The following DLGAP1 variants were observed in gnomAD, a reference collection of about 807,000 sequenced individuals.
DLGAP1 encodes the protein DLG associated protein 1, also known as disks large-associated protein 1.
In DLGAP1, 11 loss-of-function variants were observed where a neutral mutation model predicts 90.8. That is an observed-to-expected ratio of 0.12 (90% confidence interval 0.08 to 0.20). The LOEUF is 0.20. Ranked by LOEUF, DLGAP1 falls within the 10% of genes least tolerant of loss-of-function variation. The pLI, the probability that DLGAP1 is intolerant of heterozygous loss-of-function variation, is 1.00. For missense variants in DLGAP1, 1,050 were observed against 1,333.8 expected, an observed-to-expected ratio of 0.79 and a Z score of 3.31; for synonymous variants, 558 against 540.7, an observed-to-expected ratio of 1.03 and a Z score of -0.44.
intron 5 of DLGAP1, among the ~76,000 whole-genome samples, chr18:3,792,021 C>A (rs2065757807): frequency 6.6e-6 from 1 of 152,230 alleles, no homozygotes. Context: ...CCACCCCCCA[C>A]CCCACTATAG....
At chr18:3,558,295 C>T (rs191681895) in intron 9 of DLGAP1, among the ~76,000 whole-genome samples, 15 of 152,134 alleles carry the variant, frequency 9.9e-5, no homozygotes, top group South Asian at 6.2e-4. Flanking sequence ...CAGGCTGAAG[C>T]GCTCTTGGCT....
At chr18:3,937,437 T>A (rs1376074087) in intron 3 of DLGAP1, among the ~76,000 whole-genome samples, 2 of 152,100 alleles carry the variant, frequency 1.3e-5, no homozygotes, top group African/African-American at 4.8e-5. Context: ...ATGAGACTTG[T>A]TCACTACCAT....
intron 5 of DLGAP1, among the ~76,000 whole-genome samples, chr18:3,748,740 G>C (rs779330886): frequency 6.6e-6 from 1 of 152,170 alleles, no homozygotes; most frequent in Non-Finnish European, 1.5e-5. Flanking sequence ...TTGGGCTTTG[G>C]TGTGGACAAT....
intron 1 of DLGAP1, among the ~76,000 whole-genome samples, chr18:4,258,004 T>TGC (rs1568475548): frequency 2.1e-5 from 3 of 143,212 alleles, no homozygotes; most frequent in Non-Finnish European, 4.4e-5. Flanking sequence ...TGTGTGTGTG[T>TGC]GTGTGTGCGC....
At chr18:3,545,786 C>T (rs768292657) in intron 9 of DLGAP1, among the ~76,000 whole-genome samples, 1 of 152,070 alleles carries the variant, frequency 6.6e-6, no homozygotes, top group Non-Finnish European at 1.5e-5. Flanking sequence ...CATGGTAATA[C>T]TAATGAAAAG....
At chr18:3,784,692 C>A (rs1223728067) in intron 5 of DLGAP1, among the ~76,000 whole-genome samples, 2 of 152,198 alleles carry the variant, frequency 1.3e-5, no homozygotes, top group African/African-American at 4.8e-5. Context: ...ACGTTCCAGG[C>A]CCAGTCTGGA....
At chr18:3,772,475 T>C (rs1228299378) in intron 5 of DLGAP1, among the ~76,000 whole-genome samples, 1 of 136,610 alleles carries the variant, frequency 7.3e-6, no homozygotes, top group Middle Eastern at 3.6e-3. Context: ...TTTCTTTCTT[T>C]CTTTCTTCTG....
intron 3 of DLGAP1, among the ~76,000 whole-genome samples, chr18:3,955,912 A>G (rs1389507747): frequency 1.3e-5 from 2 of 152,236 alleles, no homozygotes; most frequent in Non-Finnish European, 2.9e-5. Flanking sequence ...CATAGAAAAA[A>G]GAACAATTCC....
chr18:3,653,020 T>A lies in DLGAP1; in HGVS notation c.1592-70772A>T, dbSNP rs540604796. ...TGGAAATAAATAGCTGCCTATAGAA[T>A]ATCAGAGTCATTCTGACTCAGGGGT... is the stretch of plus-strand genomic sequence containing the variant. On this transcript the variant is annotated intron_variant, in intron 7 of 12. Transcript: ENST00000315677. This position sits in a 1 kb window ranked among gnomAD's most constrained non-coding sequence, Gnocchi z 4.6. Among the ~76,000 whole-genome samples, 9 of 152,284 alleles carry A rather than the reference T, an allele frequency of 5.9e-5. 1 individual carries two copies. The South Asian group carries it at 1.9e-3, about 32-fold the overall frequency.
intron 1 of DLGAP1, among the ~76,000 whole-genome samples, chr18:4,172,873 A>G (rs1197599993): frequency 6.6e-6 from 1 of 152,282 alleles, no homozygotes; most frequent in Non-Finnish European, 1.5e-5. Context: ...TAAATGCTCT[A>G]GTGCAGGCTG....
chr18:4,065,000 C>T (rs137915785), intron 2 of DLGAP1, among the ~76,000 whole-genome samples: 2 of 152,190 alleles, frequency 1.3e-5, no homozygotes, highest in Non-Finnish European at 2.9e-5. Flanking sequence ...AGGCTTCATC[C>T]CCATGATGCA....
intron 2 of DLGAP1, among the ~76,000 whole-genome samples, chr18:4,041,570 T>C (rs1385798335): frequency 6.6e-6 from 1 of 152,258 alleles, no homozygotes; most frequent in Non-Finnish European, 1.5e-5. Flanking sequence ...AACATGTTCA[T>C]ATTAGCATAA....
At chr18:3,972,946 C>T (rs1352677388) in intron 3 of DLGAP1, among the ~76,000 whole-genome samples, 1 of 152,232 alleles carries the variant, frequency 6.6e-6, no homozygotes, top group African/African-American at 2.4e-5. Context: ...AAAAGAGGCT[C>T]TATTCTACAT....
At chr18:4,288,189 A>G (rs528120404) in intron 1 of DLGAP1, among the ~76,000 whole-genome samples, 2 of 152,286 alleles carry the variant, frequency 1.3e-5, no homozygotes, top group African/African-American at 4.8e-5. Context: ...CATTAGGTAT[A>G]TCTCCCAATG....
chr18:4,155,285 C>T (rs182499123), intron 1 of DLGAP1, among the ~76,000 whole-genome samples: 6 of 152,274 alleles, frequency 3.9e-5, no homozygotes, highest in African/African-American at 1.4e-4. Context: ...TACAAATCTG[C>T]TGCCCATTGT....
intron 7 of DLGAP1, among the ~76,000 whole-genome samples, chr18:3,601,915 A>C (rs1000212952): frequency 4.0e-5 from 6 of 151,308 alleles, no homozygotes; most frequent in Admixed American, 6.6e-5. Flanking sequence ...AGGCTGAGGC[A>C]GGCGAATCGC....
At chr18:3,959,742 A>G (rs932660750) in intron 3 of DLGAP1, among the ~76,000 whole-genome samples, 1 of 152,184 alleles carries the variant, frequency 6.6e-6, no homozygotes, top group African/African-American at 2.4e-5. Flanking sequence ...CAGTAGTTAC[A>G]CTGAAGAAAG....
In DLGAP1 at chr18:4,158,878, T is replaced by C. The variant is rs114529892; in HGVS notation, c.-266-7591A>G. Among the ~76,000 whole-genome samples the C allele has an allele frequency of 8.3e-3, 1,257 of 152,282 alleles. 21 individuals carry two copies. The highest frequency in any genetic ancestry group is 0.029 in the African/African-American group (1,209 of 41,542). ...TTAGAGGGATATTAAGGTAAGCATATGTCCAAACTCATCAGATTGCATATA... is the reference window on the plus strand; with the variant it reads ...TTAGAGGGATATTAAGGTAAGCATACGTCCAAACTCATCAGATTGCATATA... On this transcript the variant is annotated intron_variant, in intron 1 of 12. Coordinates refer to ENST00000315677, the MANE Select transcript of DLGAP1 (RefSeq NM_004746.4).
Position 4,261,047 on chromosome 18 carries a change from C to T in DLGAP1, c.-266-109760G>A, listed in dbSNP as rs543420412. Among the ~76,000 whole-genome samples the T allele has an allele frequency of 1.4e-4, 22 of 152,330 alleles. No homozygotes were observed. The South Asian group carries it at 2.3e-3, about 16-fold the overall frequency. ...GGACAAACACGAATCTTTTCATGCCCTGATTCTGTCAGGAAACCTCTAGAA... is the reference window on the plus strand; with the variant it reads ...GGACAAACACGAATCTTTTCATGCCTTGATTCTGTCAGGAAACCTCTAGAA... On this transcript the variant is annotated intron_variant, in intron 1 of 12. Transcript: ENST00000315677.
Sources: gnomAD v4.1 joint callset for allele counts (sites outside exome capture counted in the v4.1 genomes callset) on GRCh38, gnomAD v4.1.1 for gene constraint, Gnocchi (gnomAD v3.1) non-coding constraint, MANE v1.5 for transcripts, NCBI Gene and HGNC (gene_info 2026-07-23, HGNC 2026-07-21) for gene names.